Variants in ZNF713 observed in about 807,000 individuals in gnomAD.
ZNF713 encodes the protein zinc finger protein 713.
In ZNF713, 21 loss-of-function variants were observed where a neutral mutation model predicts 28.7. That is an observed-to-expected ratio of 0.73 (90% CI 0.52 to 1.05). The LOEUF is 1.05. ZNF713 is among the 50% of genes least tolerant of loss of function. The pLI is 0.00. For missense variants in ZNF713, 458 were observed against 532.4 expected (o/e 0.86, Z 1.37); for synonymous variants, 167 against 178.0 (o/e 0.94, Z 0.49).
intron 1 of ZNF713, among the ~76,000 whole-genome samples, chr7:55,903,660 G>A (rs534387753): frequency 7.5e-6 from 1 of 133,944 alleles, no homozygotes; most frequent in African/African-American, 3.0e-5. Context: ...GAGCCAGACT[G>A]TGTCTTAAAA....
intron 6 of ZNF713, chr7:55,924,400 C>T (rs1405896693): frequency 6.6e-6 from 1 of 152,406 alleles, no homozygotes; most frequent in Non-Finnish European, 1.5e-5. Context: ...CTTCCAGCCT[C>T]TCTCTGTATC....
rs1464954155 is a variant in ZNF713, at chr7:55,928,899, A to AGGCAGGTGGAT, written c.307+5201_307+5211dup. The stretch of plus-strand genomic sequence containing the variant: ...GTAATCCCAGCACTGTGTGAGACTG[A>AGGCAGGTGGAT]GGCAGGTGGATTACTTGAGTCCAGG... On this transcript the variant is annotated intron_variant, in intron 6 of 6. Coordinates refer to ENST00000429591, the MANE Select transcript of ZNF713 (RefSeq NM_182633.3). Among the ~76,000 whole-genome samples, 4 of 149,380 alleles carry AGGCAGGTGGAT rather than the reference A, an allele frequency of 2.7e-5. No homozygotes were observed. The East Asian group carries it at 8.0e-4, about 30-fold the overall frequency.
At chr7:55,919,690 C>T (rs117495564) in intron 4 of ZNF713, among the ~76,000 whole-genome samples, 301 of 151,452 alleles carry the variant, frequency 2.0e-3, no homozygotes, top group Admixed American at 4.9e-3. Flanking sequence ...AATTTTTTTA[C>T]ACTTTTTATT....
intron 2 of ZNF713, among the ~76,000 whole-genome samples, chr7:55,906,899 A>G (rs1170315015): frequency 6.6e-6 from 1 of 152,246 alleles, no homozygotes; most frequent in Non-Finnish European, 1.5e-5. Context: ...TTTTAGAACC[A>G]GACAACCTGA....
chr7:55,923,482 G>A, intron 5 of ZNF713, 125 bp from the exon 6 acceptor site: 2 of 1,079,906 alleles, frequency 1.9e-6, no homozygotes, highest in Non-Finnish European at 2.7e-6. Flanking sequence ...TGAGATGAGT[G>A]GCTTTATTTT....
intron 4 of ZNF713, among the ~76,000 whole-genome samples, chr7:55,918,756 T>G (rs548729874): frequency 3.3e-5 from 5 of 152,190 alleles, no homozygotes; most frequent in African/African-American, 1.2e-4. Context: ...CCCAGCACTT[T>G]GGGAGGCCAA....
chr7:55,919,505 T>TTTTGTTTTTTTTTTG (rs1562743552), intron 4 of ZNF713, among the ~76,000 whole-genome samples: 463 of 59,350 alleles, frequency 7.8e-3, no homozygotes, highest in African/African-American at 9.8e-3. Flanking sequence ...TTTTTTTTTT[T>TTTTGTTTTTTTTTTG]TTTTTTTTTT....
intron 4 of ZNF713, among the ~76,000 whole-genome samples, chr7:55,919,529 G>A (rs1422528420): frequency 2.2e-5 from 1 of 46,014 alleles, no homozygotes. Context: ...TTTTTGAGAT[G>A]AAGTCTTGCT....
intron 1 of ZNF713, among the ~76,000 whole-genome samples, chr7:55,897,428 C>T (rs1298605541): frequency 3.3e-5 from 5 of 151,698 alleles, no homozygotes; most frequent in Admixed American, 6.6e-5. Flanking sequence ...TACAGGCACT[C>T]GCCACCACAC....
chr7:55,903,165 A>C (rs1785609138), intron 1 of ZNF713, among the ~76,000 whole-genome samples: 1 of 152,126 alleles, frequency 6.6e-6, no homozygotes, highest in Non-Finnish European at 1.5e-5. Flanking sequence ...ATTTAAAAAA[A>C]ATTAAAAGCA....
chr7:55,914,375 T>C (rs1785842813), intron 4 of ZNF713, among the ~76,000 whole-genome samples: 1 of 152,108 alleles, frequency 6.6e-6, no homozygotes, highest in Admixed American at 6.6e-5. Context: ...TTTTGTTTTT[T>C]GTAGAGACAA....
At chr7:55,913,649 G>A (rs1374678702) in intron 4 of ZNF713, among the ~76,000 whole-genome samples, 4 of 152,116 alleles carry the variant, frequency 2.6e-5, no homozygotes, top group African/African-American at 9.7e-5. Context: ...ATCAAATTAG[G>A]TGTTAGCAAT....
intron 6 of ZNF713, among the ~76,000 whole-genome samples, chr7:55,934,969 A>G (rs1057383362): frequency 5.4e-5 from 8 of 149,530 alleles, no homozygotes; most frequent in African/African-American, 2.0e-4. Flanking sequence ...GCTCACTGCA[A>G]CCTCCGCCTC....
rs138819591 is a variant in ZNF713, at chr7:55,913,530, C to T, written c.87+807C>T. Among the ~76,000 whole-genome samples the T allele has an allele frequency of 2.8e-3, 431 of 152,068 alleles. 3 individuals carry two copies. The highest frequency in any genetic ancestry group is 9.4e-3 in the African/African-American group (392 of 41,486). On this transcript the variant is annotated intron_variant, in intron 4 of 6. Coordinates refer to ENST00000429591, the MANE Select transcript of ZNF713 (RefSeq NM_182633.3). Reference sequence around the variant, plus strand: ...TCTGTTACGATTCTATAATCTGATTCGGTATTATGTAAACTGGTGAGTATG... The same window carrying T: ...TCTGTTACGATTCTATAATCTGATTTGGTATTATGTAAACTGGTGAGTATG...
At chr7:55,888,279 C>G (rs1785316457) in intron 1 of ZNF713, among the ~76,000 whole-genome samples, 1 of 152,128 alleles carries the variant, frequency 6.6e-6, no homozygotes, top group South Asian at 2.1e-4. Flanking sequence ...TTACCTTTTT[C>G]TCTCATTGCC....
chr7:55,905,474 T>C (rs2116198097), intron 1 of ZNF713, among the ~76,000 whole-genome samples: 1 of 152,242 alleles, frequency 6.6e-6, no homozygotes, highest in East Asian at 1.9e-4. Flanking sequence ...TTGGTATCCA[T>C]GGGGGTTCTG....
At chr7:55,893,733 C>A (rs1418419218) in intron 1 of ZNF713, among the ~76,000 whole-genome samples, 1 of 152,132 alleles carries the variant, frequency 6.6e-6, no homozygotes, top group South Asian at 2.1e-4. Context: ...GCACCCGCCA[C>A]CACACCAGGC....
Position 55,923,599 on chromosome 7 carries a change from G to GC in ZNF713, c.215-8_215-7insC, listed in dbSNP as rs766211205. On this transcript the variant is annotated splice_region_variant and splice_polypyrimidine_tract_variant and intron_variant, in intron 5 of 6. Coordinates refer to ENST00000429591, the MANE Select transcript of ZNF713 (RefSeq NM_182633.3). ...AACTCCTAAGATGTATGTTACTCCT[G>GC]TGAATAGGGTATCAGCTTTGTAAGC... The GC allele has an allele frequency of 1.9e-6, 3 of 1,586,118 alleles. No individual in the cohort carries two copies. Among genetic ancestry groups the GC allele is most frequent in the Non-Finnish European group, 2.6e-6 (3 of 1,164,590 alleles).
intron 1 of ZNF713, among the ~76,000 whole-genome samples, chr7:55,895,710 T>G (rs1250968834): frequency 6.6e-6 from 1 of 152,078 alleles, no homozygotes; most frequent in Non-Finnish European, 1.5e-5. Flanking sequence ...TCAGGCAATC[T>G]GCCCGCCTTG....
Sources: gnomAD v4.1 joint callset for allele counts (sites outside exome capture counted in the v4.1 genomes callset) on GRCh38, gnomAD v4.1.1 for gene constraint, MANE v1.5 for transcripts, NCBI Gene and HGNC (gene_info 2026-07-23, HGNC 2026-07-21) for gene names.